Variants in ANAPC4 observed in about 807,000 individuals in gnomAD.
The protein encoded by ANAPC4 is anaphase-promoting complex subunit 4.
ANAPC4 carries 63 observed loss-of-function variants against 119.8 expected under a neutral mutation model. The ratio of observed to expected loss-of-function variants is 0.53; its 90% confidence interval spans 0.43 to 0.65. The LOEUF is 0.65. ANAPC4 is among the 30% of genes least tolerant of loss of function. ANAPC4 has a pLI of 0.00. For missense variants in ANAPC4, 716 were observed against 945.1 expected (o/e 0.76, Z 3.18); for synonymous variants, 283 against 318.6 (o/e 0.89, Z 1.19).
At chr4:25,381,676 A>G (rs895861733) in intron 3 of ANAPC4, among the ~76,000 whole-genome samples, 2 of 151,214 alleles carry the variant, frequency 1.3e-5, no homozygotes, top group South Asian at 4.3e-4. Context: ...TAGGTGGGGC[A>G]TGGTGGCTCA....
At chr4:25,416,942 T>A in intron 27 of ANAPC4, 1 of 162,758 alleles carries the variant, frequency 6.1e-6, no homozygotes, top group Non-Finnish European at 1.3e-5. Context: ...AGTATTTTCC[T>A]TCCAGAATTA....
chr4:25,390,267 A>G (rs762037247), intron 8 of ANAPC4, 47 bp downstream of exon 8: 56 of 1,381,450 alleles, frequency 4.1e-5, no homozygotes, highest in South Asian at 1.2e-4. Flanking sequence ...TTCTCTTAGA[A>G]TATACTAGGT....
At chr4:25,417,465 T>C in intron 27 of ANAPC4, 151 bp from the exon 28 acceptor site, 4 of 807,606 alleles carry the variant, frequency 5.0e-6, no homozygotes, top group Admixed American at 6.3e-5. Context: ...TATCACAGCT[T>C]TTTTTCTAAC....
At chr4:25,378,061 T>TTTTA (rs1375169515) in intron 2 of ANAPC4, among the ~76,000 whole-genome samples, 18 of 152,348 alleles carry the variant, frequency 1.2e-4, no homozygotes, top group African/African-American at 4.3e-4. Context: ...CTTGTCCACG[T>TTTTA]TTTATAGTAC....
At position 25,416,532 on chromosome 4, in the gene ANAPC4, C is replaced by T; in HGVS notation, c.2009C>T (p.Pro670Leu). 1 of 1,606,798 alleles carries T rather than the reference C, an allele frequency of 6.2e-7. No homozygotes were observed. The highest frequency in any genetic ancestry group is 8.5e-7 in the Non-Finnish European group (1 of 1,174,890). Residue 670 changes from proline (P) to leucine (L), a missense_variant, in exon 27 of 29, where the codon CCT (proline) becomes CTT (leucine). Transcript: ENST00000315368. ...AGAGATAGACTCTTGGTCCAGCTGC[C>T]TTTGTCTTTAGTATATAACAGTGAA... is the stretch of plus-strand genomic sequence containing the variant. ...EGRDRLLVQL[P>L]LSLVYNSEDS...
At chr4:25,383,461 G>C in intron 4 of ANAPC4, 68 bp downstream of exon 4, 1 of 1,433,436 alleles carries the variant, frequency 7.0e-7, no homozygotes, top group South Asian at 1.6e-5. Flanking sequence ...TGGAAACTTA[G>C]GAGTATCTGA....
At chr4:25,415,694 A>C (rs1325643442) in intron 26 of ANAPC4, 154 bp downstream of exon 26, 1 of 603,618 alleles carries the variant, frequency 1.7e-6, no homozygotes, top group Admixed American at 3.2e-5. Context: ...ATTTATACAT[A>C]GAGAATGATT....
At chr4:25,390,092 G>A (rs1416257998) in intron 7 of ANAPC4, 44 bp from the exon 8 acceptor site, 1 of 1,293,816 alleles carries the variant, frequency 7.7e-7, no homozygotes, top group South Asian at 1.2e-5. Flanking sequence ...GCAATCATCT[G>A]TGTTGTTGAT....
In ANAPC4 at chr4:25,394,833, TG is replaced by T. The variant is rs1194067087; in HGVS notation, c.990del (p.Lys332SerfsTer6). The T allele has an allele frequency of 6.2e-7, 1 of 1,611,338 alleles. No individual in the cohort carries two copies. The highest frequency in any genetic ancestry group is 8.5e-7 in the Non-Finnish European group (1 of 1,179,310). The stretch of plus-strand genomic sequence containing the variant: ...ATATTTTCCTTTTTTAATTAGGGCT[TG>T]AAAAAGCTTGGCCAGTCTATAGAGT... ...LLMNQLTVKG[L>X]KKLGQSIESS... On this transcript the variant is annotated frameshift_variant, in exon 14 of 29. Coordinates refer to ENST00000315368, the MANE Select transcript of ANAPC4 (RefSeq NM_013367.3). LOFTEE classifies it high-confidence loss of function.
chr4:25,394,762 A>ATT, intron 13 of ANAPC4, 49 bp downstream of exon 13: 1 of 1,512,374 alleles, frequency 6.6e-7, no homozygotes, highest in South Asian at 1.2e-5. Flanking sequence ...CACATTCTTA[A>ATT]TTTTTTTTTT....
intron 9 of ANAPC4, 152 bp downstream of exon 9, chr4:25,391,167 T>C: frequency 1.7e-6 from 1 of 585,412 alleles, no homozygotes; most frequent in Middle Eastern, 4.5e-4. Flanking sequence ...TACTGAGTGT[T>C]ATTATAGTGA....
chr4:25,418,465 A>AC lies in ANAPC4; in HGVS notation c.*83_*84insC. ...AAGATGTCTTGGACCACCTTTGTGT[A>AC]ACAAAGAAATAAACAGTAAATTTTA... On this transcript the variant is annotated 3_prime_UTR_variant, in exon 29 of 29. Transcript: ENST00000315368. The AC allele has an allele frequency of 8.7e-7, 1 of 1,144,446 alleles. No homozygotes were observed. Among genetic ancestry groups the AC allele is most frequent in the Non-Finnish European group, 1.3e-6 (1 of 792,980 alleles). 70.9% of individuals were successfully genotyped at this position (1,144,446 alleles called of 1,614,324 possible).
chr4:25,414,016 T>G (rs1406736570), intron 22 of ANAPC4: 2 of 474,704 alleles, frequency 4.2e-6, no homozygotes, highest in East Asian at 6.8e-5. Context: ...AAATTCATTG[T>G]AAACAGTCTT....
intron 4 of ANAPC4, among the ~76,000 whole-genome samples, chr4:25,385,068 G>T (rs1008688440): frequency 6.6e-6 from 1 of 152,188 alleles, no homozygotes; most frequent in African/African-American, 2.4e-5. Flanking sequence ...ATAGAACACA[G>T]ATGGGATAGA....
intron 21 of ANAPC4, 63 bp from the exon 22 acceptor site, chr4:25,413,582 T>G: frequency 7.7e-7 from 1 of 1,293,008 alleles, no homozygotes; most frequent in Non-Finnish European, 1.1e-6. Context: ...TAGATTATTT[T>G]CTTCTAATTA....
At chr4:25,406,732 A>T in intron 18 of ANAPC4, 97 bp from the exon 19 acceptor site, 1 of 896,250 alleles carries the variant, frequency 1.1e-6, no homozygotes, top group Non-Finnish European at 1.7e-6. Context: ...GGCTTTTAGT[A>T]GATAGTAAAA....
intron 20 of ANAPC4, among the ~76,000 whole-genome samples, chr4:25,409,252 A>G (rs958751121): frequency 3.3e-5 from 5 of 152,238 alleles, no homozygotes; most frequent in African/African-American, 1.2e-4. Flanking sequence ...AAACTAATTT[A>G]TAACTTGCAT....
At position 25,377,415 on chromosome 4, in the gene ANAPC4, C is replaced by T. The variant is rs557655484; in HGVS notation, c.-10-3C>T. 3.7e-6 allele frequency: 6 copies of T among 1,613,630 alleles called. No homozygotes were observed. The highest frequency in any genetic ancestry group is 2.2e-5 in the East Asian group (1 of 44,862). On this transcript the variant is annotated splice_polypyrimidine_tract_variant and splice_region_variant and intron_variant, in intron 1 of 28. Coordinates refer to ENST00000315368, the MANE Select transcript of ANAPC4 (RefSeq NM_013367.3). The stretch of plus-strand genomic sequence containing the variant: ...CCGGCCTCTGACTGGGGTGTCGTTG[C>T]AGGGCCGTCCCCATGTTGCGTTTTC...
intron 2 of ANAPC4, among the ~76,000 whole-genome samples, chr4:25,378,490 T>G (rs1721535216): frequency 6.6e-6 from 1 of 152,304 alleles, no homozygotes; most frequent in Admixed American, 6.5e-5. Context: ...GCTTTGAAAC[T>G]CTGTTGTGGC....
Sources: allele counts gnomAD v4.1 joint callset (sites outside exome capture counted in the v4.1 genomes callset), GRCh38; gene constraint gnomAD v4.1.1; transcripts MANE v1.5; gene names NCBI Gene and HGNC (gene_info 2026-07-23, HGNC 2026-07-21).